WWOX: variants seen among roughly 807,000 people sequenced by gnomAD.
The protein encoded by WWOX is WW domain containing oxidoreductase, also known as WW domain-containing oxidoreductase.
WWOX carries 69 observed loss-of-function variants against 46.2 expected under a neutral mutation model. The observed-to-expected ratio is 1.49, with a 90% CI of 1.23 to 1.82. The LOEUF (loss-of-function observed/expected upper bound fraction) is 1.82. Among genes scored for constraint, WWOX ranks in the 40% most tolerant of loss-of-function variants. The pLI is 0.00. For synonymous variants in WWOX, 359 were observed against 202.6 expected (o/e 1.77, Z -6.56); for missense variants, 919 against 542.6 (o/e 1.69, Z -6.89).
chr16:78,178,561 G>A (rs1427120487), intron 5 of WWOX, among the ~76,000 whole-genome samples: 3 of 152,266 alleles, frequency 2.0e-5, no homozygotes, highest in African/African-American at 7.2e-5. Flanking sequence ...AATTCGCATA[G>A]TGACATTTAA....
chr16:78,682,052 A>C lies in WWOX; in HGVS notation c.1056+249300A>C, dbSNP rs149760723. On this transcript the variant is annotated intron_variant, in intron 8 of 8. Coordinates refer to ENST00000566780, the MANE Select transcript of WWOX (RefSeq NM_016373.4). ...GTAAAGAGTTGTTCTCCATGCTCCA[A>C]ATGACTGTGACGACTGAGAAAATGC... 9.5e-3 allele frequency among the ~76,000 whole-genome samples: 1,443 copies of C among 152,330 alleles called. 12 individuals carry two copies. The highest frequency in any genetic ancestry group is 0.02 in the South Asian group (96 of 4,826).
At chr16:78,972,288 C>T (rs760959373) in intron 8 of WWOX, among the ~76,000 whole-genome samples, 2 of 152,126 alleles carry the variant, frequency 1.3e-5, no homozygotes, top group Non-Finnish European at 2.9e-5. Flanking sequence ...AAGACATCTG[C>T]TCAGAGTCTC....
chr16:79,062,227 A>G (rs1314050404), intron 8 of WWOX, among the ~76,000 whole-genome samples: 2 of 152,200 alleles, frequency 1.3e-5, no homozygotes, highest in Non-Finnish European at 2.9e-5. Flanking sequence ...TGTATCTTAC[A>G]GTTTAAAACC....
At chr16:79,128,407 C>G (rs990991017) in intron 8 of WWOX, among the ~76,000 whole-genome samples, 2 of 151,966 alleles carry the variant, frequency 1.3e-5, no homozygotes, top group Non-Finnish European at 2.9e-5. Flanking sequence ...ACACTAAACC[C>G]CAAATTTGTC....
At chr16:78,594,351 C>G (rs2045426325) in intron 8 of WWOX, among the ~76,000 whole-genome samples, 1 of 147,032 alleles carries the variant, frequency 6.8e-6, no homozygotes, top group Non-Finnish European at 1.5e-5. Flanking sequence ...CCAATCCGCT[C>G]ATATTCTTGC....
intron 8 of WWOX, among the ~76,000 whole-genome samples, chr16:79,000,934 C>G (rs561088722): frequency 6.6e-6 from 1 of 152,124 alleles, no homozygotes; most frequent in Admixed American, 6.5e-5. Flanking sequence ...CCCCACTGGA[C>G]GTGGGCAGGA....
intron 8 of WWOX, among the ~76,000 whole-genome samples, chr16:78,930,399 T>C: frequency 6.7e-6 from 1 of 150,310 alleles, no homozygotes; most frequent in African/African-American, 2.5e-5. Context: ...CACCTTAGCC[T>C]CCTGAGTAGC....
At chr16:78,472,048 T>C (rs1343958399) in intron 8 of WWOX, among the ~76,000 whole-genome samples, 1 of 152,240 alleles carries the variant, frequency 6.6e-6, no homozygotes, top group Non-Finnish European at 1.5e-5. Flanking sequence ...GGTGTTATGA[T>C]GCCAATTTGC....
At chr16:78,229,506 C>CTATATATATA (rs2037179292) in intron 5 of WWOX, among the ~76,000 whole-genome samples, 3 of 116,392 alleles carry the variant, frequency 2.6e-5, no homozygotes, top group African/African-American at 9.7e-5. Flanking sequence ...TTATCTATAT[C>CTATATATATA]TATATAGAGA....
intron 8 of WWOX, chr16:78,691,124 C>A: frequency 1.6e-6 from 1 of 639,010 alleles, no homozygotes; most frequent in South Asian, 1.8e-5. Context: ...GTCGTTATTG[C>A]TTTAGAAGTT....
intron 8 of WWOX, among the ~76,000 whole-genome samples, chr16:78,521,324 T>C (rs1004316330): frequency 6.6e-6 from 1 of 152,144 alleles, no homozygotes; most frequent in African/African-American, 2.4e-5. Flanking sequence ...CCCAAAGTGC[T>C]GGAAATAAGG....
At chr16:78,699,354 C>G (rs1435650760) in intron 8 of WWOX, among the ~76,000 whole-genome samples, 1 of 149,710 alleles carries the variant, frequency 6.7e-6, no homozygotes, top group Non-Finnish European at 1.5e-5. Context: ...CATGGTGAAG[C>G]CGTGTTTCTA....
chr16:78,833,546 C>G (rs572256423), intron 8 of WWOX, among the ~76,000 whole-genome samples: 2 of 152,180 alleles, frequency 1.3e-5, no homozygotes, highest in East Asian at 3.9e-4. Flanking sequence ...ACTCTTTTAT[C>G]ATAACCCCAG....
At chr16:78,755,476 G>C (rs1420653763) in intron 8 of WWOX, among the ~76,000 whole-genome samples, 1 of 152,172 alleles carries the variant, frequency 6.6e-6, no homozygotes, top group Non-Finnish European at 1.5e-5. Context: ...GCATGATGAT[G>C]AGGGAGGAAC....
intron 4 of WWOX, among the ~76,000 whole-genome samples, chr16:78,163,375 T>C (rs1357196713): frequency 1.3e-5 from 2 of 152,324 alleles, no homozygotes; most frequent in East Asian, 3.9e-4. Context: ...GGTATAACTC[T>C]TTAGGATCCC....
rs568384476 is a variant in WWOX at position 79,007,461 on chromosome 16, G to A, written c.1057-204147G>A. 1.3e-5 allele frequency among the ~76,000 whole-genome samples: 2 copies of A among 152,188 alleles called. 1 individual carries two copies. The highest frequency in any genetic ancestry group is 6.3e-3 in the Middle Eastern group (2 of 316). On this transcript the variant is annotated intron_variant, in intron 8 of 8. Transcript: ENST00000566780. ...GGATGTATTGGAGAAGATGAGGCCA[G>A]GGGATTGTTAGTAACTGTTGCAAGG...
chr16:79,116,039 C>G (rs575900827), intron 8 of WWOX, among the ~76,000 whole-genome samples: 5 of 152,294 alleles, frequency 3.3e-5, no homozygotes, highest in African/African-American at 1.2e-4. Flanking sequence ...ATAATAGACT[C>G]TTAAGTGTAC....
At chr16:78,851,065 G>A (rs2052431455) in intron 8 of WWOX, among the ~76,000 whole-genome samples, 2 of 152,148 alleles carry the variant, frequency 1.3e-5, no homozygotes, top group African/African-American at 4.8e-5. Flanking sequence ...GGTAGGTGTG[G>A]ACAGTGAGGC....
intron 4 of WWOX, among the ~76,000 whole-genome samples, chr16:78,117,405 A>G (rs771467702): frequency 6.6e-6 from 1 of 152,120 alleles, no homozygotes; most frequent in Admixed American, 6.5e-5. Flanking sequence ...CTTGGGAAGC[A>G]TACGTCTAGG....
Sources: gnomAD v4.1 joint callset for allele counts (sites outside exome capture counted in the v4.1 genomes callset) on GRCh38, gnomAD v4.1.1 for gene constraint, MANE v1.5 for transcripts, NCBI Gene and HGNC (gene_info 2026-07-23, HGNC 2026-07-21) for gene names.